SYCP2: variants seen among roughly 807,000 people sequenced by gnomAD.
The protein encoded by SYCP2 is synaptonemal complex protein 2.
A neutral mutation model predicts 211.3 loss-of-function variants in SYCP2; 55 were observed. The observed-to-expected ratio is 0.26, with a 90% confidence interval of 0.21 to 0.33. The LOEUF is 0.33. Among genes scored for constraint, SYCP2 ranks in the 10% least tolerant of loss-of-function variants. The pLI, the probability that SYCP2 is intolerant of heterozygous loss-of-function variation, is 1.00. For synonymous variants in SYCP2, 570 were observed against 555.2 expected (o/e 1.03, Z -0.37); for missense variants, 1,731 against 1,752.0 (o/e 0.99, Z 0.21).
Position 59,865,557 on chromosome 20 carries a change from A to C in SYCP2, c.4458+16T>G. 6.3e-7 allele frequency: 1 copy of C among 1,591,414 alleles called. No individual in the cohort carries two copies. ...TAATCAAGAGAGGTAACCTATAAAA[A>C]GCATAAAATTTATACCTCGGATGTA... On this transcript the variant is annotated intron_variant, in intron 43 of 44. Transcript: ENST00000357552.
At chr20:59,870,075 A>G in intron 35 of SYCP2, 92 bp from the exon 36 acceptor site, 2 of 805,976 alleles carry the variant, frequency 2.5e-6, no homozygotes, top group South Asian at 4.8e-5. Context: ...AGAAACATTA[A>G]AGCAAAACTG....
chr20:59,868,739 A>G, intron 37 of SYCP2, 96 bp downstream of exon 37: 1 of 1,282,442 alleles, frequency 7.8e-7, no homozygotes, highest in South Asian at 1.5e-5. Flanking sequence ...ATTAAGTTGA[A>G]TAACGGTATG....
chr20:59,877,162 T>TC (rs2059577008), intron 33 of SYCP2, among the ~76,000 whole-genome samples: 2 of 152,214 alleles, frequency 1.3e-5, no homozygotes, highest in African/African-American at 2.4e-5. Context: ...CAAGTTATAA[T>TC]TTCACTAGAT....
chr20:59,878,474 TATAAG>T (rs2059603327), intron 31 of SYCP2, among the ~76,000 whole-genome samples: 1 of 152,146 alleles, frequency 6.6e-6, no homozygotes, highest in African/African-American at 2.4e-5. Flanking sequence ...TTTTTAAACA[TATAAG>T]AGAATATGTC....
chr20:59,869,819 A>T lies in SYCP2; in HGVS notation c.3720T>A (p.Asn1240Lys). The change falls in exon 36 of 45, where the codon AAT becomes AAA. Residue 1240 changes from asparagine to lysine, a missense_variant. Asn to Lys is a moderately conservative substitution (Grantham distance 94). Around this residue, in one of 3 missense-constraint regions of SYCP2, gnomAD observed 1,387 missense variants for 1,351.3 expected, o/e 1.03. Coordinates refer to ENST00000357552, the MANE Select transcript of SYCP2 (RefSeq NM_014258.4). ...MEIESPHINE[N>K]YIQSKREESH... ...TTACCTCTCTTTTGCTTTGTATATA[A>T]TTTTCATTGATATGTGGAGATTCAA... 6.2e-7 allele frequency: 1 copy of T among 1,604,686 alleles called. No homozygotes were observed. The highest frequency in any genetic ancestry group is 8.5e-7 in the Non-Finnish European group (1 of 1,173,854).
chr20:59,932,345 G>T (rs1205674664), intron 1 of SYCP2, among the ~76,000 whole-genome samples, 191 bp from the exon 2 acceptor site: 1 of 152,140 alleles, frequency 6.6e-6, no homozygotes, highest in African/African-American at 2.4e-5. Flanking sequence ...AAAGGTGAAT[G>T]AAGGGGAGGG....
At chr20:59,918,816 G>A (rs1288004008) in intron 7 of SYCP2, among the ~76,000 whole-genome samples, 5 of 152,058 alleles carry the variant, frequency 3.3e-5, no homozygotes, top group Non-Finnish European at 7.4e-5. Flanking sequence ...TAAATGAAAT[G>A]TTATTCTCTC....
At chr20:59,901,547 ACT>A in intron 16 of SYCP2, 113 bp downstream of exon 16, 1 of 642,808 alleles carries the variant, frequency 1.6e-6, no homozygotes, top group Non-Finnish European at 2.5e-6. Flanking sequence ...AATTTAAAGA[ACT>A]AAAATCTACA....
intron 2 of SYCP2, among the ~76,000 whole-genome samples, chr20:59,929,523 T>C (rs1447379598): frequency 6.6e-6 from 1 of 152,102 alleles, no homozygotes; most frequent in African/African-American, 2.4e-5. Context: ...GAGGTAAACA[T>C]GAAATGTGGT....
At chr20:59,906,444 A>G (rs1480383857) in intron 15 of SYCP2, among the ~76,000 whole-genome samples, 2 of 152,136 alleles carry the variant, frequency 1.3e-5, no homozygotes, top group African/African-American at 2.4e-5. Context: ...AAGAAATCCA[A>G]TGGAAAAGAA....
At chr20:59,925,752 C>A (rs2060622745) in intron 2 of SYCP2, among the ~76,000 whole-genome samples, 2 of 151,990 alleles carry the variant, frequency 1.3e-5, no homozygotes, top group African/African-American at 2.4e-5. Flanking sequence ...ATTTCCTCAT[C>A]AAACAGAGGA....
chr20:59,877,966 A>C (rs1407978306), intron 32 of SYCP2, 42 bp downstream of exon 32: 1 of 1,497,206 alleles, frequency 6.7e-7, no homozygotes, highest in Non-Finnish European at 9.1e-7. Context: ...GCAAGAAAAA[A>C]TAATTTTAAA....
At chr20:59,930,094 C>T (rs1180842503) in intron 2 of SYCP2, among the ~76,000 whole-genome samples, 1 of 152,218 alleles carries the variant, frequency 6.6e-6, no homozygotes, top group Non-Finnish European at 1.5e-5. Context: ...GCTCAAAATC[C>T]AGGACTCAGC....
chr20:59,886,032 G>A (rs2059781461), intron 25 of SYCP2, 68 bp from the exon 26 acceptor site: 2 of 1,180,668 alleles, frequency 1.7e-6, no homozygotes, highest in African/African-American at 3.1e-5. Context: ...GTCATTTTAA[G>A]ATAAACCATG....
chr20:59,872,086 C>A (rs984128484), intron 35 of SYCP2, among the ~76,000 whole-genome samples: 1 of 151,992 alleles, frequency 6.6e-6, no homozygotes, highest in East Asian at 1.9e-4. Context: ...GGGTTTAGAT[C>A]TCCTACCTCT....
intron 15 of SYCP2, among the ~76,000 whole-genome samples, chr20:59,903,141 A>C (rs887556110): frequency 4.6e-5 from 7 of 151,940 alleles, no homozygotes; most frequent in Admixed American, 1.3e-4. Context: ...CTTACATAGA[A>C]ATTTATGAAT....
At chr20:59,866,096 T>C (rs2059327110) in intron 41 of SYCP2, among the ~76,000 whole-genome samples, 197 bp downstream of exon 41, 1 of 151,822 alleles carries the variant, frequency 6.6e-6, no homozygotes, top group Non-Finnish European at 1.5e-5. Context: ...TTTCTCATTA[T>C]CAAAGATATT....
chr20:59,875,361 A>G lies in SYCP2; in HGVS notation c.3259T>C (p.Ser1087Pro), dbSNP rs2059534851. ...TCTCGTATAGCATCTTTTAGTAGAG[A>G]TGAGTTTTTCCATTGTTTTGATAGT... ...KELSKQWKNS[S>P]LLKDAIRDNC... The change falls in exon 34 of 45, where the codon TCT (serine) becomes CCT (proline). Residue 1087 changes from serine (S) to proline (P), a missense_variant. Coordinates refer to ENST00000357552, the MANE Select transcript of SYCP2 (RefSeq NM_014258.4). The G allele has an allele frequency of 1.2e-6, 2 of 1,612,512 alleles. No individual in the cohort carries two copies. Among genetic ancestry groups the G allele is most frequent in the Middle Eastern group, 1.7e-4 (1 of 6,060 alleles).
At chr20:59,884,738 G>A (rs2059752988) in intron 26 of SYCP2, among the ~76,000 whole-genome samples, 1 of 151,922 alleles carries the variant, frequency 6.6e-6, no homozygotes, top group Non-Finnish European at 1.5e-5. Flanking sequence ...GTAAAAATGA[G>A]CAAAGATGTT....
Sources: gnomAD v4.1 joint callset for allele counts (sites outside exome capture counted in the v4.1 genomes callset) on GRCh38, gnomAD v4.1.1 for gene constraint, gnomAD v4.1.1 regional missense constraint, MANE v1.5 for transcripts, NCBI Gene and HGNC (gene_info 2026-07-23, HGNC 2026-07-21) for gene names.